The following COQ3 variants were observed in gnomAD, a reference collection of about 807,000 sequenced individuals.
The protein encoded by COQ3 is coenzyme Q3, methyltransferase.
In COQ3, 29 loss-of-function variants were observed where a neutral mutation model predicts 33.1. The ratio of observed to expected loss-of-function variants is 0.88; its 90% CI spans 0.65 to 1.19. The LOEUF (loss-of-function observed/expected upper bound fraction) is 1.19. Among genes scored for constraint, COQ3 ranks in the 50% most tolerant of loss-of-function variants. The pLI is 0.00. For missense variants in COQ3, 437 were observed against 430.7 expected (o/e 1.01, Z -0.13); for synonymous variants, 173 against 157.8 (o/e 1.10, Z -0.72).
chr6:99,394,006 G>T, intron 1 of COQ3, 68 bp downstream of exon 1: 15 of 1,294,138 alleles, frequency 1.2e-5, no homozygotes, highest in Non-Finnish European at 1.6e-5. Flanking sequence ...CCCCACCCCC[G>T]GCGCATGCGC....
rs1368053039 is a variant in COQ3, at chr6:99,388,907, A to G, written c.107-5083T>C. Among the ~76,000 whole-genome samples, 104 of 148,206 alleles carry G rather than the reference A, an allele frequency of 7.0e-4. 1 individual carries two copies. The highest frequency in any genetic ancestry group is 6.8e-3 in the Middle Eastern group (2 of 292). ...TGTATACACGCACACACACACACAC[A>G]CACACACACACACACACACACACAC... On this transcript the variant is annotated intron_variant, in intron 1 of 6. Coordinates refer to ENST00000254759, the MANE Select transcript of COQ3 (RefSeq NM_017421.4).
chr6:99,393,796 G>C (rs1289204976), intron 1 of COQ3, among the ~76,000 whole-genome samples: 1 of 152,214 alleles, frequency 6.6e-6, no homozygotes, highest in East Asian at 1.9e-4. Flanking sequence ...CGCAGAGCGG[G>C]TCGCCGGCTC....
intron 1 of COQ3, among the ~76,000 whole-genome samples, chr6:99,385,317 G>A (rs945575993): frequency 2.6e-5 from 4 of 152,164 alleles, no homozygotes; most frequent in African/African-American, 9.7e-5. Context: ...CTTAAAATGT[G>A]TGAAACACTT....
chr6:99,374,597 T>C (rs904529170), intron 5 of COQ3, among the ~76,000 whole-genome samples: 2 of 152,168 alleles, frequency 1.3e-5, no homozygotes, highest in Non-Finnish European at 2.9e-5. Context: ...ATAATAATAC[T>C]TTAGGGGTAT....
At chr6:99,384,956 C>CA (rs1444715346) in intron 1 of COQ3, among the ~76,000 whole-genome samples, 4 of 152,108 alleles carry the variant, frequency 2.6e-5, no homozygotes, top group Non-Finnish European at 5.9e-5. Context: ...ACTAAAAATA[C>CA]AAAAATTAGC....
rs190447019 is a variant in COQ3, at chr6:99,378,666, G to A, written c.387-1181C>T. 4.6e-5 allele frequency among the ~76,000 whole-genome samples: 7 copies of A among 152,242 alleles called. No homozygotes were observed. The East Asian group carries it at 1.4e-3, about 29-fold the overall frequency. On this transcript the variant is annotated intron_variant, in intron 3 of 6. Coordinates refer to ENST00000254759, the MANE Select transcript of COQ3 (RefSeq NM_017421.4). The stretch of plus-strand genomic sequence containing the variant: ...AATTTGCATTTCTAATGAGCTCCTA[G>A]GTGAACTAATGTCACTGTCCAGGGC...
chr6:99,384,294 T>C (rs1774555352), intron 1 of COQ3, among the ~76,000 whole-genome samples: 1 of 152,164 alleles, frequency 6.6e-6, no homozygotes. Flanking sequence ...AAAAATAAAA[T>C]AAAATAAAGG....
chr6:99,391,861 T>C (rs1184417404), intron 1 of COQ3, among the ~76,000 whole-genome samples: 3 of 152,114 alleles, frequency 2.0e-5, no homozygotes, highest in Non-Finnish European at 4.4e-5. Flanking sequence ...TAGCCATGCA[T>C]TGTGGTGCCT....
intron 2 of COQ3, 136 bp downstream of exon 2, chr6:99,383,562 G>T: frequency 1.7e-6 from 1 of 590,190 alleles, no homozygotes; most frequent in Non-Finnish European, 2.7e-6. Context: ...AATTAGTTGA[G>T]ACTACTTAAA....
At position 99,383,724 on chromosome 6, in the gene COQ3, G is replaced by A; in HGVS notation, c.207C>T (p.Ser69=). Residue 69 remains serine, a synonymous_variant, in exon 2 of 7, where the codon TCC becomes TCT. Coordinates refer to ENST00000254759, the MANE Select transcript of COQ3 (RefSeq NM_017421.4). ...IWFKSYRTIF[S]CLNRIKSFRY... is the part of the protein sequence containing the mutation. ...TGAAACTCTTTATTCTGTTCAAACA[G>A]GAAAAGATCGTCCTGTAGGATTTGA... 1.3e-6 allele frequency: 2 copies of A among 1,598,468 alleles called. No individual in the cohort carries two copies. The highest frequency in any genetic ancestry group is 8.5e-7 in the Non-Finnish European group (1 of 1,175,032).
intron 1 of COQ3, 127 bp from the exon 2 acceptor site, chr6:99,383,951 A>C: frequency 1.5e-6 from 1 of 659,398 alleles, no homozygotes; most frequent in South Asian, 2.3e-5. Context: ...CCCAGGTTGG[A>C]GTGTAATGGC....
chr6:99,385,388 C>G (rs1774596680), intron 1 of COQ3, among the ~76,000 whole-genome samples: 2 of 152,112 alleles, frequency 1.3e-5, no homozygotes, highest in Non-Finnish European at 2.9e-5. Context: ...AAAGATAGAC[C>G]ATATCCTGGG....
chr6:99,372,312 G>A lies in COQ3; in HGVS notation c.730-725C>T, dbSNP rs530264238. Among the ~76,000 whole-genome samples the A allele has an allele frequency of 1.9e-3, 293 of 152,016 alleles. 2 individuals are homozygous for A. The highest frequency in any genetic ancestry group is 6.7e-3 in the African/African-American group (280 of 41,482). On this transcript the variant is annotated intron_variant, in intron 5 of 6. Transcript: ENST00000254759. ...CCCAGCTACTCAGGAGGCTGAGGCA[G>A]GAGAATCACTTGAACACAGGAGGTG...
chr6:99,394,113 A>G lies in COQ3; in HGVS notation c.67T>C (p.Cys23Arg). The G allele has an allele frequency of 6.2e-7, 1 of 1,613,868 alleles. No homozygotes were observed. The highest frequency in any genetic ancestry group is 8.5e-7 in the Non-Finnish European group (1 of 1,179,890). The change falls in exon 1 of 7, where the codon TGT becomes CGT. Residue 23 changes from cysteine (C) to arginine (R), a missense_variant. Physicochemically the swap from Cys to Arg is radical, Grantham distance 180. Transcript: ENST00000254759. ...WFLRVLGPGG[C>R]NTKAARPLIS... ...AAGGGACGCGCAGCTTTTGTATTAC[A>G]GCCTCCAGGCCCCAGCACTCTTAAA...
rs200030843 is a variant in COQ3, at chr6:99,371,452, T to C, written c.865A>G (p.Thr289Ala). The change falls in exon 6 of 7, where the codon ACA becomes GCA. Residue 289 changes from threonine to alanine, a missense_variant. By Grantham distance (58) the Thr-to-Ala change is moderately conservative. Transcript: ENST00000254759. ...HTWEKFVSPETLESILESNGL... is the reference protein window; with the variant it reads ...HTWEKFVSPEALESILESNGL... ...CTTGATTCCAGAATGCTCTCTAGTGTTTCAGGTGAAACAAACTTCTCCCAT... is the reference window on the plus strand; with the variant it reads ...CTTGATTCCAGAATGCTCTCTAGTGCTTCAGGTGAAACAAACTTCTCCCAT... 3.4e-5 allele frequency: 55 copies of C among 1,598,952 alleles called. No homozygotes were observed. In the African/African-American group the frequency reaches 6.3e-4, roughly 18 times the overall value.
intron 6 of COQ3, among the ~76,000 whole-genome samples, chr6:99,370,601 G>A (rs975398622): frequency 2.6e-5 from 4 of 151,688 alleles, no homozygotes; most frequent in African/African-American, 4.8e-5. Flanking sequence ...TGCCTGCCTC[G>A]GCCTCCCAAA....
At chr6:99,374,308 T>C (rs999356711) in intron 5 of COQ3, among the ~76,000 whole-genome samples, 4 of 151,970 alleles carry the variant, frequency 2.6e-5, no homozygotes, top group African/African-American at 9.7e-5. Context: ...CCTTTCAGGG[T>C]ATGCAAGTGC....
chr6:99,371,606 T>C lies in COQ3; in HGVS notation c.730-19A>G, dbSNP rs75377761. On this transcript the variant is annotated intron_variant, in intron 5 of 6. Coordinates refer to ENST00000254759, the MANE Select transcript of COQ3 (RefSeq NM_017421.4). ...CACCGGGCTAAAAGAAATGAAATTA[T>C]ATAGAAGTAAAATGTAAAAGACTAA... 222,731 of 1,527,580 alleles carry C rather than the reference T, an allele frequency of 0.15. 17,238 individuals are homozygous for C. The highest frequency in any genetic ancestry group is 0.18 in the Middle Eastern group (1,044 of 5,764). The allele number at this position is 1,527,580 out of a possible 1,614,324, so 94.6% of individuals were successfully genotyped here. A position where few individuals can be genotyped will look rare whatever the true frequency, so the allele number is the denominator to read the frequency against.
chr6:99,378,155 TATTTAGAGAGAG>T (rs1292161493), intron 3 of COQ3, among the ~76,000 whole-genome samples: 3 of 24,708 alleles, frequency 1.2e-4, no homozygotes, highest in African/African-American at 3.2e-4. Context: ...TATATATATA[TATTTAGAGAGAG>T]AGAGAGAGAG....
Sources: gnomAD v4.1 joint callset for allele counts (sites outside exome capture counted in the v4.1 genomes callset) on GRCh38, gnomAD v4.1.1 for gene constraint, MANE v1.5 for transcripts, NCBI Gene and HGNC (gene_info 2026-07-23, HGNC 2026-07-21) for gene names.